Variants in AP2A2 observed in about 807,000 individuals in gnomAD.
AP2A2 encodes the protein AP-2 complex subunit alpha-2.
AP2A2 carries 32 observed loss-of-function variants against 104.2 expected under a neutral mutation model. The ratio of observed to expected loss-of-function variants is 0.31; its 90% CI spans 0.23 to 0.41. The LOEUF (loss-of-function observed/expected upper bound fraction) is 0.41, where lower values mean the gene tolerates loss of function less well. AP2A2 is among the 10% of genes least tolerant of loss of function. The pLI is 1.00. For synonymous variants in AP2A2, 539 were observed against 533.3 expected, an observed-to-expected ratio of 1.01 and a Z score of -0.15; for missense variants, 912 against 1,261.0, an observed-to-expected ratio of 0.72 and a Z score of 4.19.
chr11:997,775 T>C (rs1487669891), intron 14 of AP2A2, among the ~76,000 whole-genome samples: 2 of 152,082 alleles, frequency 1.3e-5, no homozygotes, highest in Admixed American at 6.5e-5. Flanking sequence ...TGTGGTGGTG[T>C]GTGCCTGTAA....
intron 14 of AP2A2, 47 bp downstream of exon 14, chr11:994,292 C>G (rs778972675): frequency 6.3e-7 from 1 of 1,599,330 alleles, no homozygotes; most frequent in Non-Finnish European, 8.5e-7. Context: ...GGGCCTCACC[C>G]CCAAGACTTG....
At position 993,998 on chromosome 11, in the gene AP2A2, C is replaced by T. The variant is rs372906216; in HGVS notation, c.1782+13C>T. On this transcript the variant is annotated intron_variant, in intron 13 of 21. Transcript: ENST00000448903. This position sits in a 1 kb window ranked among gnomAD's most constrained non-coding sequence, Gnocchi z 8.2. ...CACCGACATTCTGGTAGGAGGCCCC[C>T]GCCCTTCGGGCTGGCTTGGCTGAGG... 107 of 1,609,532 alleles carry T rather than the reference C, an allele frequency of 6.6e-5. No individual in the cohort carries two copies. The African/African-American group carries it at 6.9e-4, about 10-fold the overall frequency.
At position 991,978 on chromosome 11, in the gene AP2A2, C is replaced by T. The variant is rs543388766; in HGVS notation, c.1270-525C>T. Among the ~76,000 whole-genome samples the T allele has an allele frequency of 4.6e-5, 7 of 152,134 alleles. No homozygotes were observed. The East Asian group carries it at 1.4e-3, about 29-fold the overall frequency. ...GTGGGTGTGGGCTGGGCAGGTGCCTCCGGGGGGCACCCGTGAGAGTGAGCC... is the reference window on the plus strand; with the variant it reads ...GTGGGTGTGGGCTGGGCAGGTGCCTTCGGGGGGCACCCGTGAGAGTGAGCC... On this transcript the variant is annotated intron_variant, in intron 10 of 21. Coordinates refer to ENST00000448903, the MANE Select transcript of AP2A2 (RefSeq NM_012305.4).
chr11:977,903 G>A (rs1855104639), intron 5 of AP2A2, among the ~76,000 whole-genome samples: 1 of 152,106 alleles, frequency 6.6e-6, no homozygotes, highest in Non-Finnish European at 1.5e-5. Flanking sequence ...CAGGATAGAG[G>A]GCCGAGAATG....
At chr11:949,025 C>G (rs540055491) in intron 1 of AP2A2, among the ~76,000 whole-genome samples, 2 of 152,262 alleles carry the variant, frequency 1.3e-5, no homozygotes, top group African/African-American at 4.8e-5. Context: ...TGCAGTGGCT[C>G]ATGCCTGTAA....
chr11:971,097 G>A (rs147063596), intron 3 of AP2A2, among the ~76,000 whole-genome samples: 8 of 152,204 alleles, frequency 5.3e-5, no homozygotes, highest in Non-Finnish European at 1.0e-4. Context: ...GTTTATTCAA[G>A]CATTTGTGGA....
intron 7 of AP2A2, 123 bp from the exon 8 acceptor site, chr11:985,312 G>A: frequency 1.6e-6 from 2 of 1,289,794 alleles, no homozygotes; most frequent in African/African-American, 1.5e-5. Flanking sequence ...CTTCCAGCTG[G>A]GTACACAAAT....
chr11:970,049 C>T lies in AP2A2; in HGVS notation c.137-120C>T, dbSNP rs960099041. On this transcript the variant is annotated intron_variant, in intron 2 of 21. Coordinates refer to ENST00000448903, the MANE Select transcript of AP2A2 (RefSeq NM_012305.4). ...CTGCACTGCACCTGCCTGGGCCCGG[C>T]CACCCCTCTCCTGGAGGCTTGTCCG... The T allele has an allele frequency of 6.4e-6, 7 of 1,088,112 alleles. No individual in the cohort carries two copies. The African/African-American group carries it at 1.1e-4, about 17-fold the overall frequency. 67.4% of individuals were successfully genotyped at this position (1,088,112 alleles called of 1,614,324 possible).
intron 1 of AP2A2, chr11:940,688 G>T (rs1299200691): frequency 1.0e-5 from 4 of 386,358 alleles, no homozygotes; most frequent in Non-Finnish European, 2.0e-5. Flanking sequence ...TGCCTTTTGT[G>T]TAGGTTTGTT....
Position 985,450 on chromosome 11 carries a change from G to A in AP2A2, c.830G>A (p.Gly277Asp), listed in dbSNP as rs1855418832. The change falls in exon 8 of 22, where the codon GGC (glycine) becomes GAC (aspartate). Residue 277 changes from glycine to aspartate, a missense_variant. Gly to Asp is a moderately conservative substitution (Grantham distance 94). Coordinates refer to ENST00000448903, the MANE Select transcript of AP2A2 (RefSeq NM_012305.4). ...CYPPPDPAVR[G>D]RLTECLETIL... Reference sequence around the variant, plus strand: ...TGCCCAGAAGACCCTGCAGTGCGAGGCCGCCTGACTGAGTGCCTGGAGACC... The same window carrying A: ...TGCCCAGAAGACCCTGCAGTGCGAGACCGCCTGACTGAGTGCCTGGAGACC... 6.2e-7 allele frequency: 1 copy of A among 1,613,820 alleles called. No individual in the cohort carries two copies. Among genetic ancestry groups the A allele is most frequent in the African/African-American group, 1.3e-5 (1 of 74,934 alleles).
At chr11:930,792 T>C (rs949462206) in intron 1 of AP2A2, among the ~76,000 whole-genome samples, 6 of 152,224 alleles carry the variant, frequency 3.9e-5, no homozygotes, top group Non-Finnish European at 8.8e-5. Flanking sequence ...AGTGCTGGGA[T>C]TACAGGCGTG....
In AP2A2 at chr11:968,708, T is replaced by C. The variant is rs1280010261; in HGVS notation, c.137-1461T>C. 1.3e-5 allele frequency among the ~76,000 whole-genome samples: 2 copies of C among 151,180 alleles called. No homozygotes were observed. Among genetic ancestry groups the C allele is most frequent in the East Asian group, 3.9e-4 (2 of 5,082 alleles). On this transcript the variant is annotated intron_variant, in intron 2 of 21. Transcript: ENST00000448903. The surrounding 1 kb of genome is among the most constrained non-coding windows in gnomAD (Gnocchi z 4.2). ...TGCGCAGCCCGTGCTCAGCTGTGTG[T>C]GCCCTCCTGCACAAACAGGGCACGG...
chr11:959,254 C>CGGCCCT (rs1424290089), intron 1 of AP2A2, among the ~76,000 whole-genome samples, 183 bp from the exon 2 acceptor site: 2 of 152,358 alleles, frequency 1.3e-5, no homozygotes, highest in Non-Finnish European at 2.9e-5. Flanking sequence ...GTCCCGGCCC[C>CGGCCCT]GGCCCTGCTG....
intron 1 of AP2A2, among the ~76,000 whole-genome samples, chr11:947,698 G>A (rs139717822): frequency 4.6e-5 from 7 of 152,062 alleles, no homozygotes; most frequent in African/African-American, 7.2e-5. Flanking sequence ...AGTGGCTCAC[G>A]CCGCCTGTAA....
chr11:937,373 A>G (rs1853493345), intron 1 of AP2A2, among the ~76,000 whole-genome samples: 1 of 152,156 alleles, frequency 6.6e-6, no homozygotes, highest in African/African-American at 2.4e-5. Context: ...CTCCAGAAAG[A>G]GGCCTTCAGT....
At chr11:933,721 C>T (rs969950666) in intron 1 of AP2A2, 3 of 448,910 alleles carry the variant, frequency 6.7e-6, no homozygotes, top group South Asian at 3.1e-5. Flanking sequence ...TCCAGTGACT[C>T]GTGGGCACTC....
At position 1,010,581 on chromosome 11, in the gene AP2A2, G is replaced by A. The variant is rs1448490659; in HGVS notation, c.2776G>A (p.Ala926Thr). The A allele has an allele frequency of 6.3e-7, 1 of 1,599,374 alleles. No individual in the cohort carries two copies. The highest frequency in any genetic ancestry group is 8.5e-7 in the Non-Finnish European group (1 of 1,173,224). The change falls in exon 22 of 22, where the codon GCC becomes ACC. Residue 926 changes from alanine to threonine, a missense_variant. Physicochemically the swap from Ala to Thr is moderately conservative, Grantham distance 58 (BLOSUM62 0). This residue lies in a region of AP2A2 where 239 missense variants were observed against 329.8 expected (regional missense o/e 0.72). Coordinates refer to ENST00000448903, the MANE Select transcript of AP2A2 (RefSeq NM_012305.4). The part of the protein sequence containing the change: ...YRLTLRTSKE[A>T]VSQRLCELLS... ...GCTCACGCTGCGCACAAGTAAGGAA[G>A]CCGTTTCTCAGAGATTATGTGAATT...
At chr11:953,518 G>A (rs574801576) in intron 1 of AP2A2, among the ~76,000 whole-genome samples, 1 of 146,648 alleles carries the variant, frequency 6.8e-6, no homozygotes, top group Non-Finnish European at 1.5e-5. Context: ...GAGGAGGCAT[G>A]GTCTGGGTGG....
intron 2 of AP2A2, among the ~76,000 whole-genome samples, chr11:961,714 G>A (rs10902252): frequency 0.33 from 17,078 of 52,354 alleles, 6,810 homozygotes; most frequent in Admixed American, 0.58. Context: ...AGTAAAGGGC[G>A]GAAGCAGATG....
Sources: allele counts gnomAD v4.1 joint callset (sites outside exome capture counted in the v4.1 genomes callset), GRCh38; gene constraint gnomAD v4.1.1; regional missense constraint gnomAD v4.1.1; non-coding constraint Gnocchi (gnomAD v3.1); transcripts MANE v1.5; gene names NCBI Gene and HGNC (gene_info 2026-07-23, HGNC 2026-07-21).